The following AFF3 variants were observed in gnomAD, a reference collection of about 807,000 sequenced individuals.
AFF3 encodes ALF transcription elongation factor 3, also known as AF4/FMR2 family member 3.
In AFF3, 32 loss-of-function variants were observed where a neutral mutation model predicts 129.7. That is an observed-to-expected ratio of 0.25 (90% CI 0.19 to 0.33). AFF3 has a LOEUF of 0.33. AFF3 is among the 10% of genes least tolerant of loss of function. The pLI, the probability that AFF3 is intolerant of heterozygous loss-of-function variation, is 1.00. For synonymous variants in AFF3, 644 were observed against 635.4 expected (o/e 1.01, Z -0.20); for missense variants, 1,373 against 1,592.0 (o/e 0.86, Z 2.34).
chr2:99,577,665 T>C (rs951341808), intron 18 of AFF3, among the ~76,000 whole-genome samples: 2 of 152,226 alleles, frequency 1.3e-5, no homozygotes, highest in African/African-American at 4.8e-5. Context: ...GACACATACA[T>C]TTTCCCTACG....
chr2:100,034,242 T>C (rs1185149444), intron 4 of AFF3, among the ~76,000 whole-genome samples: 1 of 152,198 alleles, frequency 6.6e-6, no homozygotes. Flanking sequence ...AGAAAACACA[T>C]GTAGAAACAA....
At chr2:99,813,419 A>T (rs971734043) in intron 8 of AFF3, among the ~76,000 whole-genome samples, 1 of 152,156 alleles carries the variant, frequency 6.6e-6, no homozygotes, top group African/African-American at 2.4e-5. Flanking sequence ...ACATTTACTA[A>T]ATTAAAAGAG....
chr2:99,877,051 G>T (rs142855792), intron 7 of AFF3, among the ~76,000 whole-genome samples: 334 of 152,324 alleles, frequency 2.2e-3, no homozygotes, highest in Non-Finnish European at 3.8e-3. Flanking sequence ...CGCTGAGGGA[G>T]AGAGGAAGAT....
At chr2:99,995,677 A>G (rs566046349) in intron 7 of AFF3, among the ~76,000 whole-genome samples, 20 of 152,248 alleles carry the variant, frequency 1.3e-4, no homozygotes, top group Non-Finnish European at 2.8e-4. Context: ...TTTCTTTTAT[A>G]GTGTCCTATG....
At chr2:99,826,168 C>T (rs1049323204) in intron 8 of AFF3, among the ~76,000 whole-genome samples, 1 of 152,102 alleles carries the variant, frequency 6.6e-6, no homozygotes, top group East Asian at 1.9e-4. Flanking sequence ...TCCCCCGCCA[C>T]CATGCCCAGC....
chr2:99,824,503 C>T (rs1439177768), intron 8 of AFF3, among the ~76,000 whole-genome samples: 2 of 152,142 alleles, frequency 1.3e-5, no homozygotes, highest in Admixed American at 6.5e-5. Flanking sequence ...TAAAAACTTA[C>T]TAACCAAAAA....
chr2:99,722,559 C>A (rs1391915423), intron 11 of AFF3, among the ~76,000 whole-genome samples: 1 of 152,202 alleles, frequency 6.6e-6, no homozygotes, highest in Non-Finnish European at 1.5e-5. Context: ...GAGGCATTTA[C>A]CAAGCCCCTC....
In AFF3 at chr2:99,978,838, G is replaced by A. The variant is rs557968869; in HGVS notation, c.873+27794C>T. ...TGCGGGCAGGCCCTCACCAGATAAC[G>A]AATCTGCCACCACCTTGATCTTGGA... On this transcript the variant is annotated intron_variant, in intron 7 of 24. Coordinates refer to ENST00000672756, the MANE Select transcript of AFF3 (RefSeq NM_001386135.1). 2.6e-5 allele frequency among the ~76,000 whole-genome samples: 4 copies of A among 152,262 alleles called. No individual in the cohort carries two copies. In the East Asian group the frequency reaches 5.8e-4, roughly 22 times the overall value.
chr2:100,081,305 T>A (rs963845450), intron 4 of AFF3, among the ~76,000 whole-genome samples: 1 of 152,034 alleles, frequency 6.6e-6, no homozygotes, highest in African/African-American at 2.4e-5. Context: ...CCATTTTCTC[T>A]AACCAGGAAG....
At chr2:100,108,131 T>G (rs1014323259) in intron 2 of AFF3, among the ~76,000 whole-genome samples, 3 of 147,518 alleles carry the variant, frequency 2.0e-5, no homozygotes, top group African/African-American at 7.3e-5. Context: ...GACGCATGAC[T>G]CCATCTGCTT....
intron 13 of AFF3, among the ~76,000 whole-genome samples, chr2:99,633,549 G>A (rs12474603): frequency 0.51 from 77,920 of 152,060 alleles, 20,119 homozygotes; most frequent in African/African-American, 0.56. Flanking sequence ...AACAAAACCA[G>A]CATTGGAGTT....
intron 4 of AFF3, among the ~76,000 whole-genome samples, chr2:100,067,026 T>G (rs1357934843): frequency 6.6e-6 from 1 of 152,196 alleles, no homozygotes; most frequent in Non-Finnish European, 1.5e-5. Flanking sequence ...ACTTGATTCA[T>G]ATCTTCAACT....
At chr2:99,938,870 C>T (rs1204213344) in intron 7 of AFF3, among the ~76,000 whole-genome samples, 1 of 152,190 alleles carries the variant, frequency 6.6e-6, no homozygotes, top group Non-Finnish European at 1.5e-5. Flanking sequence ...TTGTCAGAGA[C>T]AGAGAGATTC....
At chr2:99,711,293 C>T (rs547647372) in intron 11 of AFF3, among the ~76,000 whole-genome samples, 2 of 152,232 alleles carry the variant, frequency 1.3e-5, no homozygotes, top group East Asian at 1.9e-4. Flanking sequence ...ACTGCAAACC[C>T]CTCCAGGAGC....
chr2:99,753,589 C>T (rs967327170), intron 8 of AFF3, among the ~76,000 whole-genome samples: 5 of 152,090 alleles, frequency 3.3e-5, no homozygotes, highest in East Asian at 1.9e-4. Context: ...TGGGAATGGT[C>T]GGGCACCTTC....
intron 7 of AFF3, among the ~76,000 whole-genome samples, chr2:99,942,546 G>A (rs985838462): frequency 7.7e-6 from 1 of 130,048 alleles, no homozygotes; most frequent in African/African-American, 2.8e-5. Flanking sequence ...GGGGGGAGGG[G>A]CGGGGGGGGG....
intron 7 of AFF3, among the ~76,000 whole-genome samples, chr2:99,840,248 C>A (rs966763718): frequency 2.0e-5 from 3 of 152,106 alleles, no homozygotes; most frequent in South Asian, 2.1e-4. Flanking sequence ...TTGCTAAATT[C>A]AAGCCATGAA....
intron 11 of AFF3, among the ~76,000 whole-genome samples, chr2:99,724,008 C>G (rs964891883): frequency 6.6e-6 from 1 of 152,154 alleles, no homozygotes; most frequent in Admixed American, 6.5e-5. Context: ...TGCTGACACC[C>G]TGACTGGGAC....
At position 99,593,022 on chromosome 2, in the gene AFF3, G is replaced by T. The variant is rs137908747; in HGVS notation, c.2466+173C>A. ...TTAGATGTTAAGTGCTTACAACAGT[G>T]TCTGGATATAGAAAGTACCCTAGAA... On this transcript the variant is annotated intron_variant, in intron 15 of 24. Transcript: ENST00000672756. Among the ~76,000 whole-genome samples, 559 of 146,750 alleles carry T rather than the reference G, an allele frequency of 3.8e-3. 6 individuals are homozygous for T. The highest frequency in any genetic ancestry group is 0.013 in the African/African-American group (534 of 39,856).
Sources: gnomAD v4.1 joint callset for allele counts (sites outside exome capture counted in the v4.1 genomes callset) on GRCh38, gnomAD v4.1.1 for gene constraint, MANE v1.5 for transcripts, NCBI Gene and HGNC (gene_info 2026-07-23, HGNC 2026-07-21) for gene names.